DNM3: variants seen among roughly 807,000 people sequenced by gnomAD.
DNM3 encodes dynamin-3.
DNM3 carries 47 observed loss-of-function variants against 101.6 expected under a neutral mutation model. The ratio of observed to expected loss-of-function variants is 0.46; its 90% CI spans 0.37 to 0.59. The LOEUF is 0.59. Among genes scored for constraint, DNM3 ranks in the 20% least tolerant of loss-of-function variants. The pLI, the probability that DNM3 is intolerant of heterozygous loss-of-function variation, is 0.00. For synonymous variants in DNM3, 385 were observed against 387.9 expected (o/e 0.99, Z 0.09); for missense variants, 849 against 1,085.7 (o/e 0.78, Z 3.06).
intron 14 of DNM3, chr1:172,144,839 G>A (rs917630581): frequency 1.5e-5 from 5 of 326,728 alleles, no homozygotes; most frequent in African/African-American, 1.1e-4. Flanking sequence ...GGAAAAGGGG[G>A]AGGGCTGGGC....
At chr1:172,162,412 C>T (rs1000064962) in intron 14 of DNM3, among the ~76,000 whole-genome samples, 2 of 151,876 alleles carry the variant, frequency 1.3e-5, no homozygotes, top group Non-Finnish European at 2.9e-5. Context: ...TTCTGACCTC[C>T]TGATTAATGT....
At chr1:172,117,725 G>A (rs2056020652) in intron 13 of DNM3, among the ~76,000 whole-genome samples, 2 of 152,190 alleles carry the variant, frequency 1.3e-5, no homozygotes, top group South Asian at 2.1e-4. Context: ...AAGCTGAATT[G>A]TATTGGAAGT....
intron 10 of DNM3, among the ~76,000 whole-genome samples, chr1:172,062,738 T>C (rs1267290024): frequency 6.6e-6 from 1 of 152,206 alleles, no homozygotes; most frequent in Non-Finnish European, 1.5e-5. Flanking sequence ...AACTTTCCCA[T>C]TAACCCCTGT....
chr1:172,148,200 T>A (rs2057991728), intron 14 of DNM3, among the ~76,000 whole-genome samples: 1 of 152,138 alleles, frequency 6.6e-6, no homozygotes, highest in Admixed American at 6.6e-5. Flanking sequence ...TTCACAGTTT[T>A]GTACTAAGAC....
At chr1:172,311,205 AG>A (rs1220338855) in intron 16 of DNM3, 3 of 152,128 alleles carry the variant, frequency 2.0e-5, no homozygotes, top group Non-Finnish European at 2.9e-5. Context: ...TTTAACAGCT[AG>A]GGGAAGGTTG....
intron 4 of DNM3, among the ~76,000 whole-genome samples, chr1:172,022,346 A>C (rs1049341744): frequency 3.9e-5 from 6 of 152,164 alleles, no homozygotes; most frequent in African/African-American, 1.4e-4. Context: ...CCTTTCTGAC[A>C]GTGGTTTTTA....
chr1:171,944,611 C>T (rs567799385), intron 2 of DNM3, among the ~76,000 whole-genome samples: 3 of 151,756 alleles, frequency 2.0e-5, no homozygotes, highest in East Asian at 1.9e-4. Flanking sequence ...CTGAGCTCAG[C>T]GATCCACCTG....
chr1:171,963,161 G>A (rs1167979001), intron 2 of DNM3, among the ~76,000 whole-genome samples: 1 of 152,098 alleles, frequency 6.6e-6, no homozygotes, highest in African/African-American at 2.4e-5. Flanking sequence ...TTACTTTATA[G>A]TAAATAAACT....
chr1:172,225,134 C>CTTTTTTTTTTTTTTT (rs1168334078), intron 14 of DNM3, among the ~76,000 whole-genome samples: 11 of 65,516 alleles, frequency 1.7e-4, no homozygotes, highest in Admixed American at 4.1e-4. Flanking sequence ...TCTTCTTCCT[C>CTTTTTTTTTTTTTTT]TTTTTTTTTT....
intron 4 of DNM3, among the ~76,000 whole-genome samples, chr1:172,019,178 ATCCT>A (rs1288645436): frequency 8.9e-6 from 1 of 112,864 alleles, no homozygotes; most frequent in Non-Finnish European, 1.9e-5. Flanking sequence ...TTTCTTCTTT[ATCCT>A]TCCTTCCTTC....
At chr1:172,058,308 T>C (rs931638751) in intron 10 of DNM3, among the ~76,000 whole-genome samples, 37 of 151,654 alleles carry the variant, frequency 2.4e-4, no homozygotes, top group African/African-American at 8.0e-4. Context: ...TCAACAAGGA[T>C]ACCCAGGAAT....
chr1:171,935,442 C>G (rs971636968), intron 2 of DNM3, among the ~76,000 whole-genome samples: 1 of 152,062 alleles, frequency 6.6e-6, no homozygotes, highest in Non-Finnish European at 1.5e-5. Flanking sequence ...AGTGCTAGGT[C>G]AAGGTAATTT....
At chr1:172,002,629 A>G (rs2046422452) in intron 4 of DNM3, among the ~76,000 whole-genome samples, 1 of 152,088 alleles carries the variant, frequency 6.6e-6, no homozygotes, top group African/African-American at 2.4e-5. Context: ...TGAAAATATG[A>G]CAACAAACAC....
At chr1:171,898,705 T>TATAGAG (rs368049481) in intron 1 of DNM3, among the ~76,000 whole-genome samples, 14 of 150,312 alleles carry the variant, frequency 9.3e-5, no homozygotes, top group African/African-American at 1.5e-4. Context: ...TATATATATA[T>TATAGAG]AGAGAGAGAG....
intron 4 of DNM3, among the ~76,000 whole-genome samples, chr1:171,999,732 C>G (rs1405984405): frequency 6.6e-6 from 1 of 151,988 alleles, no homozygotes; most frequent in East Asian, 1.9e-4. Flanking sequence ...TTAGGGTAGA[C>G]CCTAAAATCC....
rs1572370261 is a variant in DNM3, at chr1:172,070,274, A to G, written c.1422+1369A>G. On this transcript the variant is annotated intron_variant, in intron 11 of 20. Coordinates refer to ENST00000627582, the MANE Select transcript of DNM3 (RefSeq NM_015569.5). ...CTCCTGAGTCAGTGAAATCAAGCCT[A>G]GAGCCAGATATGGAGCCCTAGGGCC... Among the ~76,000 whole-genome samples, 4 of 152,344 alleles carry G rather than the reference A, an allele frequency of 2.6e-5. No homozygotes were observed. The South Asian group carries it at 6.2e-4, about 24-fold the overall frequency.
intron 1 of DNM3, among the ~76,000 whole-genome samples, chr1:171,868,100 T>G (rs116605415): frequency 6.6e-6 from 1 of 152,220 alleles, no homozygotes; most frequent in Non-Finnish European, 1.5e-5. Flanking sequence ...CAACTCTTTA[T>G]GGATCTTCCT....
At chr1:172,137,193 T>C (rs150203675) in intron 14 of DNM3, 59 of 152,288 alleles carry the variant, frequency 3.9e-4, no homozygotes, top group African/African-American at 1.3e-3. Flanking sequence ...CAACAGGTGG[T>C]ACAAGGCATT....
At chr1:171,846,128 T>C (rs1408871696) in intron 1 of DNM3, among the ~76,000 whole-genome samples, 2 of 152,164 alleles carry the variant, frequency 1.3e-5, no homozygotes, top group Non-Finnish European at 2.9e-5. Flanking sequence ...ATAAATAAAG[T>C]GTCAAAACAT....
Sources: allele counts gnomAD v4.1 joint callset (sites outside exome capture counted in the v4.1 genomes callset), GRCh38; gene constraint gnomAD v4.1.1; transcripts MANE v1.5; gene names NCBI Gene and HGNC (gene_info 2026-07-23, HGNC 2026-07-21).